The following UBE3D variants were observed in gnomAD, a reference collection of about 807,000 sequenced individuals.
UBE3D encodes E3 ubiquitin-protein ligase E3D.
A neutral mutation model predicts 49.6 loss-of-function variants in UBE3D; 48 were observed. That is an observed-to-expected ratio of 0.97 (90% CI 0.77 to 1.23). UBE3D has a LOEUF of 1.23. Ranked by LOEUF, UBE3D falls within the 50% of genes most tolerant of loss-of-function variation. The probability of loss-of-function intolerance (pLI) is 0.00; values close to 1 mark genes in which losing one functional copy is unlikely to be tolerated. For synonymous variants in UBE3D, 189 were observed against 174.2 expected (o/e 1.08, Z -0.67); for missense variants, 452 against 468.4 (o/e 0.96, Z 0.32).
At chr6:82,931,096 A>G (rs1227684557) in intron 9 of UBE3D, among the ~76,000 whole-genome samples, 1 of 152,202 alleles carries the variant, frequency 6.6e-6, no homozygotes, top group African/African-American at 2.4e-5. Flanking sequence ...GGGCCAAGGT[A>G]CAGCTCAGGT....
At chr6:83,014,031 G>A (rs938598696) in intron 8 of UBE3D, among the ~76,000 whole-genome samples, 1 of 152,234 alleles carries the variant, frequency 6.6e-6, no homozygotes. Context: ...TTATGGACAG[G>A]AGTGGAGAAA....
intron 9 of UBE3D, among the ~76,000 whole-genome samples, chr6:82,920,155 GAGA>G (rs1487135702): frequency 6.6e-6 from 1 of 152,210 alleles, no homozygotes; most frequent in Non-Finnish European, 1.5e-5. Context: ...AGCTGTGGGA[GAGA>G]AGTAGTTTGA....
chr6:82,947,539 C>T (rs1156859468), intron 9 of UBE3D, among the ~76,000 whole-genome samples: 1 of 151,194 alleles, frequency 6.6e-6, no homozygotes, highest in Non-Finnish European at 1.5e-5. Flanking sequence ...CTTTTTCTTG[C>T]CCTATCTTAT....
At chr6:82,902,755 T>A (rs1394563834) in intron 9 of UBE3D, among the ~76,000 whole-genome samples, 1 of 152,208 alleles carries the variant, frequency 6.6e-6, no homozygotes, top group Non-Finnish European at 1.5e-5. Flanking sequence ...TCAGTACACC[T>A]ATCAACAGAC....
At chr6:82,930,494 G>A (rs1252555809) in intron 9 of UBE3D, among the ~76,000 whole-genome samples, 1 of 152,128 alleles carries the variant, frequency 6.6e-6, no homozygotes, top group Non-Finnish European at 1.5e-5. Context: ...CTAGAGACTT[G>A]GAGGGCTCAG....
At chr6:83,014,953 C>T (rs755705288) in intron 8 of UBE3D, among the ~76,000 whole-genome samples, 10 of 152,232 alleles carry the variant, frequency 6.6e-5, no homozygotes, top group South Asian at 2.1e-4. Context: ...CTAGGAACAT[C>T]GTAATTAGCT....
chr6:83,043,194 T>TA (rs1782792307), intron 4 of UBE3D, among the ~76,000 whole-genome samples: 1 of 152,212 alleles, frequency 6.6e-6, no homozygotes, highest in South Asian at 2.1e-4. Flanking sequence ...GTGCTGAGTT[T>TA]ATTTAAAAAG....
chr6:82,887,878 T>A (rs1770917928), downstream of UBE3D, among the ~76,000 whole-genome samples: 1 of 151,912 alleles, frequency 6.6e-6, no homozygotes, highest in Admixed American at 6.6e-5. Context: ...AACCCCAGAG[T>A]GTGGGCTCAG....
intron 8 of UBE3D, among the ~76,000 whole-genome samples, chr6:83,014,983 A>C (rs527844949): frequency 6.6e-6 from 1 of 152,326 alleles, no homozygotes; most frequent in East Asian, 1.9e-4. Context: ...GCTGGACACG[A>C]GTCAGATTAT....
chr6:83,038,623 G>C, intron 4 of UBE3D, 138 bp from the exon 5 acceptor site: 1 of 707,996 alleles, frequency 1.4e-6, no homozygotes, highest in Non-Finnish European at 2.3e-6. Flanking sequence ...AATACATTTA[G>C]CTTGTATGCA....
chr6:82,943,976 T>C (rs977263355), intron 9 of UBE3D, among the ~76,000 whole-genome samples: 1 of 151,960 alleles, frequency 6.6e-6, no homozygotes, highest in African/African-American at 2.4e-5. Flanking sequence ...GGTGGGAACT[T>C]GAGTTCAGTC....
intron 9 of UBE3D, among the ~76,000 whole-genome samples, chr6:82,893,599 T>C (rs1050812936): frequency 6.6e-6 from 1 of 152,196 alleles, no homozygotes; most frequent in African/African-American, 2.4e-5. Flanking sequence ...CCCAATAGTT[T>C]TGAAAACAGA....
Position 82,983,558 on chromosome 6 carries a change from A to T in UBE3D, c.1011-26108T>A, listed in dbSNP as rs543601131. On this transcript the variant is annotated intron_variant, in intron 8 of 9. Coordinates refer to ENST00000369747, the MANE Select transcript of UBE3D (RefSeq NM_198920.3). ...AGCTAAAAAGTAGTAATTTTTTTTT[A>T]AATGTTAAATTATGTGCTCATTTTA... 6.1e-4 allele frequency among the ~76,000 whole-genome samples: 91 copies of T among 148,590 alleles called. 3 individuals carry two copies. The South Asian group carries it at 0.018, about 29-fold the overall frequency.
At position 82,957,317 on chromosome 6, in the gene UBE3D, A is replaced by G. The variant is rs1333119171; in HGVS notation, c.1144T>C (p.Phe382Leu). ...GAAAAGAAGCCATTGCTCACCTGAA[A>G]GGAATTCACACGGCGAAGGGATGAA... ...LPSSLRRVNS[F>L]QVAFLKM Residue 382 changes from phenylalanine (F) to leucine (L), a missense_variant, in exon 9 of 10, where the codon TTT (phenylalanine) becomes CTT (leucine). Transcript: ENST00000369747. 6.2e-7 allele frequency: 1 copy of G among 1,613,616 alleles called. No individual in the cohort carries two copies. Among genetic ancestry groups the G allele is most frequent in the African/African-American group, 1.3e-5 (1 of 75,010 alleles).
intron 5 of UBE3D, among the ~76,000 whole-genome samples, chr6:83,030,036 T>C (rs1781756802): frequency 6.6e-6 from 1 of 152,156 alleles, no homozygotes; most frequent in South Asian, 2.1e-4. Flanking sequence ...CTTTCAATCC[T>C]TACTGAAAAT....
intron 1 of UBE3D, among the ~76,000 whole-genome samples, chr6:83,060,891 T>A (rs1784129188): frequency 6.6e-6 from 1 of 152,132 alleles, no homozygotes; most frequent in African/African-American, 2.4e-5. Context: ...GAATCATGTA[T>A]CCTTACTGAC....
chr6:83,026,897 C>T (rs947385805), intron 5 of UBE3D, among the ~76,000 whole-genome samples: 1 of 151,988 alleles, frequency 6.6e-6, no homozygotes, highest in African/African-American at 2.4e-5. Flanking sequence ...TTGCCTAGGC[C>T]GGTCTCAAGG....
chr6:82,916,567 C>G (rs936555392), intron 9 of UBE3D, among the ~76,000 whole-genome samples: 3 of 152,092 alleles, frequency 2.0e-5, no homozygotes, highest in African/African-American at 7.2e-5. Context: ...TTGAGTTGAA[C>G]TTGAGATATG....
intron 3 of UBE3D, among the ~76,000 whole-genome samples, chr6:83,046,771 A>G (rs957371337): frequency 1.4e-4 from 22 of 151,820 alleles, no homozygotes; most frequent in African/African-American, 5.1e-4. Context: ...TTCTACAAGC[A>G]CACAAAATCT....
Sources: allele counts gnomAD v4.1 joint callset (sites outside exome capture counted in the v4.1 genomes callset), GRCh38; gene constraint gnomAD v4.1.1; transcripts MANE v1.5; gene names NCBI Gene and HGNC (gene_info 2026-07-23, HGNC 2026-07-21).